Variants in KIAA1217 observed in about 807,000 individuals in gnomAD.
KIAA1217 encodes the protein KIAA1217.
Under a neutral mutation model 163.9 loss-of-function variants are expected in KIAA1217, and 88 were observed. That is an observed-to-expected ratio of 0.54 (90% CI 0.45 to 0.64). The LOEUF is 0.64. Among genes scored for constraint, KIAA1217 ranks in the 30% least tolerant of loss-of-function variants. The pLI is 0.00. For synonymous variants in KIAA1217, 903 were observed against 923.1 expected (o/e 0.98, Z 0.39); for missense variants, 2,372 against 2,475.0 (o/e 0.96, Z 0.88).
chr10:23,885,378 A>G (rs1320912381), intron 1 of KIAA1217, among the ~76,000 whole-genome samples: 1 of 151,890 alleles, frequency 6.6e-6, no homozygotes, highest in Non-Finnish European at 1.5e-5. Context: ...TATGTATCCT[A>G]CAGGACTGAA....
At chr10:24,311,154 G>T (rs2133031453) in intron 2 of KIAA1217, among the ~76,000 whole-genome samples, 2 of 152,296 alleles carry the variant, frequency 1.3e-5, no homozygotes. Flanking sequence ...CGTAGGAGGT[G>T]ATCTAGAATT....
At chr10:24,460,150 G>C (rs1160224401) in intron 5 of KIAA1217, among the ~76,000 whole-genome samples, 1 of 152,298 alleles carries the variant, frequency 6.6e-6, no homozygotes, top group Admixed American at 6.5e-5. Flanking sequence ...AAGGAAAGCA[G>C]ATGGGTTTTC....
chr10:24,162,006 AG>A (rs2065142919), intron 2 of KIAA1217, among the ~76,000 whole-genome samples: 1 of 152,260 alleles, frequency 6.6e-6, no homozygotes, highest in African/African-American at 2.4e-5. Flanking sequence ...AGAAAAACAA[AG>A]GAGGTATATC....
chr10:24,070,098 C>T (rs1362778135), intron 2 of KIAA1217, among the ~76,000 whole-genome samples: 3 of 152,026 alleles, frequency 2.0e-5, no homozygotes, highest in Admixed American at 2.0e-4. Flanking sequence ...CCTTGGCCTC[C>T]CAGTGAAATT....
At position 24,211,388 on chromosome 10, in the gene KIAA1217, T is replaced by G. The variant is rs12253811; in HGVS notation, c.70+2125T>G. Among the ~76,000 whole-genome samples, 2 of 114,048 alleles carry G rather than the reference T, an allele frequency of 1.8e-5. 1 individual carries two copies. The highest frequency in any genetic ancestry group is 3.5e-5 in the Non-Finnish European group (2 of 57,172). The allele number at this position is 114,048 out of a possible 152,430, so 74.8% of individuals were successfully genotyped here. ...TTTTTTTTTTTTTTTTTTTTTTTTT[T>G]TTAGAGAGGGTCTCATTTGTCACCC... is the stretch of plus-strand genomic sequence containing the variant. On this transcript the variant is annotated intron_variant, in intron 1 of 20. Transcript: ENST00000376454.
chr10:24,264,195 G>A (rs1267113904), intron 2 of KIAA1217, among the ~76,000 whole-genome samples: 1 of 152,112 alleles, frequency 6.6e-6, no homozygotes, highest in Non-Finnish European at 1.5e-5. Context: ...GAGTACAGCG[G>A]GACTTTTCTT....
chr10:23,810,868 C>T (rs1285105236), intron 1 of KIAA1217, among the ~76,000 whole-genome samples: 3 of 120,452 alleles, frequency 2.5e-5, no homozygotes, highest in Non-Finnish European at 3.2e-5. Context: ...AGTATATATA[C>T]TATACAGTAT....
intron 9 of KIAA1217, among the ~76,000 whole-genome samples, chr10:24,504,790 T>C (rs1234027283): frequency 2.0e-5 from 3 of 152,214 alleles, no homozygotes; most frequent in Admixed American, 2.0e-4. Flanking sequence ...GAGCATTTCA[T>C]TTTCAAAACT....
At chr10:24,426,420 G>A (rs912302769) in intron 3 of KIAA1217, among the ~76,000 whole-genome samples, 6 of 152,036 alleles carry the variant, frequency 3.9e-5, no homozygotes, top group Admixed American at 2.6e-4. Context: ...TCAGGAGTTC[G>A]AGAACAGCCT....
intron 2 of KIAA1217, among the ~76,000 whole-genome samples, chr10:24,304,411 G>T (rs1254563479): frequency 2.0e-5 from 3 of 152,006 alleles, no homozygotes; most frequent in Admixed American, 2.0e-4. Flanking sequence ...AGGCTGGACT[G>T]CATGGGGCAT....
At chr10:24,057,137 C>T (rs1209484895) in intron 2 of KIAA1217, among the ~76,000 whole-genome samples, 1 of 152,060 alleles carries the variant, frequency 6.6e-6, no homozygotes, top group Non-Finnish European at 1.5e-5. Flanking sequence ...GTCCCAGCTA[C>T]TCAGGAGGCT....
chr10:23,700,207 C>T (rs771492334), intron 1 of KIAA1217, among the ~76,000 whole-genome samples: 4 of 152,152 alleles, frequency 2.6e-5, no homozygotes, highest in South Asian at 2.1e-4. Flanking sequence ...CCAAAAACCT[C>T]GGAGTCATCC....
At chr10:24,211,783 G>A (rs979047112) in intron 1 of KIAA1217, among the ~76,000 whole-genome samples, 1 of 151,838 alleles carries the variant, frequency 6.6e-6, no homozygotes. Context: ...CTTGGACCAG[G>A]CGGTGATTAG....
intron 2 of KIAA1217, among the ~76,000 whole-genome samples, chr10:24,276,470 G>A (rs1017535285): frequency 2.0e-5 from 3 of 152,216 alleles, no homozygotes; most frequent in Admixed American, 2.0e-4. Flanking sequence ...TTAAGAGACA[G>A]GGTCTCGCTT....
intron 2 of KIAA1217, among the ~76,000 whole-genome samples, chr10:24,020,132 C>A (rs1847670489): frequency 6.6e-6 from 1 of 152,000 alleles, no homozygotes; most frequent in Non-Finnish European, 1.5e-5. Flanking sequence ...CAAAGGCAAA[C>A]AAAAATTATG....
intron 1 of KIAA1217, among the ~76,000 whole-genome samples, chr10:23,883,194 T>TA (rs2131194549): frequency 6.6e-6 from 1 of 152,034 alleles, no homozygotes; most frequent in Non-Finnish European, 1.5e-5. Context: ...GAAATTGTGA[T>TA]AATACACTGG....
chr10:23,834,515 C>T (rs920050069), intron 1 of KIAA1217, among the ~76,000 whole-genome samples: 7 of 151,032 alleles, frequency 4.6e-5, no homozygotes, highest in Admixed American at 1.3e-4. Context: ...AAGAGAGAGA[C>T]GATAAAAAAT....
intron 2 of KIAA1217, among the ~76,000 whole-genome samples, chr10:24,319,241 G>A (rs1262445437): frequency 6.6e-6 from 1 of 152,004 alleles, no homozygotes; most frequent in East Asian, 1.9e-4. Context: ...AGCTAGGTGT[G>A]GTGGTGCATG....
At chr10:24,221,583 G>C (rs2069661673) in intron 2 of KIAA1217, among the ~76,000 whole-genome samples, 1 of 152,082 alleles carries the variant, frequency 6.6e-6, no homozygotes, top group African/African-American at 2.4e-5. Context: ...TTCTCTTCTA[G>C]AGAATCATTA....
Sources: allele counts gnomAD v4.1 joint callset (sites outside exome capture counted in the v4.1 genomes callset), GRCh38; gene constraint gnomAD v4.1.1; transcripts MANE v1.5; gene names NCBI Gene and HGNC (gene_info 2026-07-23, HGNC 2026-07-21).